NGEF: variants seen among roughly 807,000 people sequenced by gnomAD.
NGEF encodes ephexin-1.
In NGEF, 31 loss-of-function variants were observed where a neutral mutation model predicts 80.9. The observed-to-expected ratio is 0.38, with a 90% confidence interval of 0.29 to 0.52. The LOEUF (loss-of-function observed/expected upper bound fraction) is 0.52, where lower values mean the gene tolerates loss of function less well. NGEF is among the 20% of genes least tolerant of loss of function. The pLI, the probability that NGEF is intolerant of heterozygous loss-of-function variation, is 0.84. For missense variants in NGEF, 709 were observed against 926.2 expected, an observed-to-expected ratio of 0.77 and a Z score of 3.04; for synonymous variants, 371 against 370.2, an observed-to-expected ratio of 1.00 and a Z score of -0.03.
chr2:232,895,004 G>T (rs1692012792), intron 5 of NGEF, 88 bp from the exon 6 acceptor site: 11 of 1,420,524 alleles, frequency 7.7e-6, no homozygotes, highest in African/African-American at 1.4e-5. Context: ...GCAGAGGGAG[G>T]CTCAGCAGGG....
intron 5 of NGEF, among the ~76,000 whole-genome samples, chr2:232,901,141 G>C (rs1692342627): frequency 6.6e-6 from 1 of 152,128 alleles, no homozygotes; most frequent in Non-Finnish European, 1.5e-5. Context: ...CCCAAAGAGC[G>C]ACGGGCTTTT....
chr2:232,900,059 G>C (rs1176733063), intron 5 of NGEF, among the ~76,000 whole-genome samples: 3 of 127,344 alleles, frequency 2.4e-5, no homozygotes, highest in Admixed American at 8.0e-5. Flanking sequence ...CGCTCTCACA[G>C]TCACTCATAT....
chr2:232,978,637 A>T (rs377175182), intron 1 of NGEF, among the ~76,000 whole-genome samples: 6 of 152,230 alleles, frequency 3.9e-5, no homozygotes, highest in African/African-American at 1.4e-4. Flanking sequence ...AGCTCCCTCA[A>T]CAGGGAAAAG....
intron 1 of NGEF, among the ~76,000 whole-genome samples, chr2:232,981,868 C>T (rs961960546): frequency 6.6e-6 from 1 of 152,240 alleles, no homozygotes; most frequent in African/African-American, 2.4e-5. Flanking sequence ...GGTGAACCCA[C>T]TGGGTGTTTA....
chr2:232,880,573 A>G (rs138822590), intron 14 of NGEF, among the ~76,000 whole-genome samples: 1 of 152,332 alleles, frequency 6.6e-6, no homozygotes, highest in Non-Finnish European at 1.5e-5. Context: ...GGGGATTTGG[A>G]TCAGGAGCAA....
rs1695190772 is a variant in NGEF, at chr2:233,010,979, G to T, written c.-75+2089C>A. Among the ~76,000 whole-genome samples the T allele has an allele frequency of 2.0e-5, 3 of 152,174 alleles. No homozygotes were observed. The South Asian group carries it at 6.2e-4, about 32-fold the overall frequency. ...GTAGCAGAGGGGGCTTAGGTGCGGG[G>T]AGAAGGGGGGTCTGAAAAGAGGCAG... is the stretch of plus-strand genomic sequence containing the variant. On this transcript the variant is annotated intron_variant, in intron 1 of 14. Coordinates refer to ENST00000264051, the MANE Select transcript of NGEF (RefSeq NM_019850.3).
chr2:232,963,290 T>C (rs1471798424), intron 3 of NGEF, among the ~76,000 whole-genome samples: 1 of 151,904 alleles, frequency 6.6e-6, no homozygotes, highest in African/African-American at 2.4e-5. Context: ...ATGCAGCTCT[T>C]TGATGGAACA....
Position 232,920,599 on chromosome 2 carries a change from GT to G in NGEF, c.527-15del. ...GATACAGGAGCCCTGAAATCAAAGAGTTGTAAAAAAGAAAAGGAAAAGATCT... is the reference window on the plus strand; with the variant it reads ...GATACAGGAGCCCTGAAATCAAAGAGTGTAAAAAAGAAAAGGAAAAGATCT... On this transcript the variant is annotated splice_polypyrimidine_tract_variant and intron_variant, in intron 4 of 14. Coordinates refer to ENST00000264051, the MANE Select transcript of NGEF (RefSeq NM_019850.3). 6.6e-7 allele frequency: 1 copy of G among 1,508,110 alleles called. No individual in the cohort carries two copies. The highest frequency in any genetic ancestry group is 8.9e-7 in the Non-Finnish European group (1 of 1,127,784). 93.4% of individuals were successfully genotyped at this position (1,508,110 alleles called of 1,614,324 possible).
chr2:232,941,352 T>C (rs1207974624), intron 3 of NGEF, among the ~76,000 whole-genome samples: 1 of 152,222 alleles, frequency 6.6e-6, no homozygotes, highest in Non-Finnish European at 1.5e-5. Context: ...TGGCTAATGT[T>C]AGTGCTGCAA....
chr2:232,934,771 G>A (rs1367169623), intron 3 of NGEF, among the ~76,000 whole-genome samples: 1 of 152,172 alleles, frequency 6.6e-6, no homozygotes, highest in East Asian at 1.9e-4. Flanking sequence ...GGGAGGCCAA[G>A]GTAGGTGGTT....
At chr2:232,937,923 T>G (rs1023230715) in intron 3 of NGEF, among the ~76,000 whole-genome samples, 2 of 152,190 alleles carry the variant, frequency 1.3e-5, no homozygotes, top group Admixed American at 6.5e-5. Flanking sequence ...AAAACTGGAT[T>G]CGGTGTTTTA....
At chr2:232,989,538 C>T (rs151123203) in intron 1 of NGEF, among the ~76,000 whole-genome samples, 2 of 152,114 alleles carry the variant, frequency 1.3e-5, no homozygotes, top group African/African-American at 4.8e-5. Context: ...ATGACTAGCA[C>T]AGAACCTTAA....
At chr2:232,900,093 GAC>G (rs148874281) in intron 5 of NGEF, among the ~76,000 whole-genome samples, 9,503 of 94,018 alleles carry the variant, frequency 0.1, 806 homozygotes, top group Middle Eastern at 0.17. Flanking sequence ...CATTCACTTA[GAC>G]ACATGCTCTC....
At chr2:232,881,111 C>A in intron 14 of NGEF, 35 bp downstream of exon 14, 3 of 1,586,590 alleles carry the variant, frequency 1.9e-6, no homozygotes, top group Non-Finnish European at 2.6e-6. Context: ...GGCAAGTTCC[C>A]CTGGGGGCCC....
chr2:232,997,325 C>T (rs982737035), intron 1 of NGEF, among the ~76,000 whole-genome samples: 1 of 152,142 alleles, frequency 6.6e-6, no homozygotes, highest in African/African-American at 2.4e-5. Flanking sequence ...CTGCCCTTGT[C>T]GTTGTTGTTG....
intron 1 of NGEF, among the ~76,000 whole-genome samples, chr2:232,976,395 C>T (rs560516997): frequency 8.3e-4 from 127 of 152,292 alleles, no homozygotes; most frequent in Admixed American, 3.9e-3. Flanking sequence ...TTCCCAAACA[C>T]CTTCTTCTAC....
intron 3 of NGEF, among the ~76,000 whole-genome samples, chr2:232,968,447 G>A (rs778180756): frequency 8.7e-5 from 13 of 149,142 alleles, no homozygotes; most frequent in African/African-American, 1.5e-4. Context: ...GCTCTGTTGC[G>A]CAGGCTGGAG....
At chr2:232,992,974 G>A (rs1215862903) in intron 1 of NGEF, among the ~76,000 whole-genome samples, 2 of 143,602 alleles carry the variant, frequency 1.4e-5, no homozygotes, top group African/African-American at 2.6e-5. Flanking sequence ...GTGATAGAGC[G>A]AGACCCTGCC....
At chr2:232,963,968 A>G (rs1694006819) in intron 3 of NGEF, among the ~76,000 whole-genome samples, 1 of 152,140 alleles carries the variant, frequency 6.6e-6, no homozygotes, top group Non-Finnish European at 1.5e-5. Flanking sequence ...GGCACCATGA[A>G]TGGCCAATAA....
Sources: gnomAD v4.1 joint callset for allele counts (sites outside exome capture counted in the v4.1 genomes callset) on GRCh38, gnomAD v4.1.1 for gene constraint, MANE v1.5 for transcripts, NCBI Gene and HGNC (gene_info 2026-07-23, HGNC 2026-07-21) for gene names.